Variants in ALPK1 observed in about 807,000 individuals in gnomAD.
ALPK1 encodes the protein alpha-protein kinase 1.
A neutral mutation model predicts 120.6 loss-of-function variants in ALPK1; 110 were observed. That is an observed-to-expected ratio of 0.91 (90% CI 0.78 to 1.07). The LOEUF (loss-of-function observed/expected upper bound fraction) is 1.07. Among genes scored for constraint, ALPK1 ranks in the 50% least tolerant of loss-of-function variants. ALPK1 has a pLI of 0.00. For synonymous variants in ALPK1, 582 were observed against 560.3 expected (o/e 1.04, Z -0.55); for missense variants, 1,498 against 1,483.9 (o/e 1.01, Z -0.16).
chr4:112,423,050 G>A (rs1734069317), intron 5 of ALPK1, among the ~76,000 whole-genome samples: 1 of 152,202 alleles, frequency 6.6e-6, no homozygotes, highest in Non-Finnish European at 1.5e-5. Flanking sequence ...TTGCAAACGA[G>A]CGTGAAGAAT....
chr4:112,369,774 C>T (rs1347198915), intron 2 of ALPK1, among the ~76,000 whole-genome samples: 1 of 152,264 alleles, frequency 6.6e-6, no homozygotes, highest in Non-Finnish European at 1.5e-5. Flanking sequence ...TGAATCTAAC[C>T]AAGGGTTAAT....
At chr4:112,417,942 G>T (rs1198259320) in intron 5 of ALPK1, among the ~76,000 whole-genome samples, 1 of 152,160 alleles carries the variant, frequency 6.6e-6, no homozygotes, top group Non-Finnish European at 1.5e-5. Context: ...ATGTAATCAG[G>T]TGACAGAAAC....
At chr4:112,392,668 A>G (rs1732470702) in intron 4 of ALPK1, among the ~76,000 whole-genome samples, 1 of 152,222 alleles carries the variant, frequency 6.6e-6, no homozygotes, top group Admixed American at 6.5e-5. Flanking sequence ...CTGGGACTAC[A>G]GGTGCATGTC....
In ALPK1 at chr4:112,379,416, T is replaced by C. The variant is rs181072150; in HGVS notation, c.121+1518T>C. On this transcript the variant is annotated intron_variant, in intron 3 of 15. Transcript: ENST00000650871. ...ACTGCCCGGCGTTGGTTGAATCCAA[T>C]AAACCGACGGGGAAGGACGCCTCCT... Among the ~76,000 whole-genome samples the C allele has an allele frequency of 1.9e-3, 292 of 152,270 alleles. 2 individuals carry two copies. Among genetic ancestry groups the C allele is most frequent in the African/African-American group, 6.8e-3 (281 of 41,546 alleles).
At position 112,431,812 on chromosome 4, in the gene ALPK1, C is replaced by T. The variant is rs375743965; in HGVS notation, c.2265C>T (p.Cys755=). ...TTGTTGAGTTTCCAGAAACCAACTG[C>T]GATGTCAAAGACAGGCAGGGGAAAG... ...EIIVEFPETN[C]DVKDRQGKEQ... Residue 755 remains cysteine, a synonymous_variant, in exon 11 of 16, where the codon TGC becomes TGT. Transcript: ENST00000650871. 46 of 1,613,888 alleles carry T rather than the reference C, an allele frequency of 2.9e-5. No individual in the cohort carries two copies. The highest frequency in any genetic ancestry group is 5.5e-5 in the South Asian group (5 of 91,084).
At chr4:112,326,343 T>G (rs943440430) in intron 2 of ALPK1, among the ~76,000 whole-genome samples, 18 of 152,208 alleles carry the variant, frequency 1.2e-4, no homozygotes, top group African/African-American at 4.3e-4. Context: ...GTTAAATGCT[T>G]GAGTCGAGGG....
chr4:112,301,166 C>G (rs1258324062), intron 1 of ALPK1, among the ~76,000 whole-genome samples: 2 of 152,180 alleles, frequency 1.3e-5, no homozygotes, highest in African/African-American at 4.8e-5. Context: ...ATAACTATAT[C>G]ATTACCGAGA....
intron 4 of ALPK1, among the ~76,000 whole-genome samples, chr4:112,397,365 CTT>C (rs1732696674): frequency 6.6e-6 from 1 of 152,184 alleles, no homozygotes; most frequent in Non-Finnish European, 1.5e-5. Context: ...AAATATATTT[CTT>C]TCATGGCTGT....
At chr4:112,359,521 C>T (rs1456851826) in intron 2 of ALPK1, 3 of 254,868 alleles carry the variant, frequency 1.2e-5, no homozygotes, top group African/African-American at 2.3e-5. Context: ...GGCATGGAGC[C>T]GCCAGGACCC....
intron 4 of ALPK1, among the ~76,000 whole-genome samples, chr4:112,390,930 A>G (rs1732385765): frequency 6.6e-6 from 1 of 152,228 alleles, no homozygotes; most frequent in Admixed American, 6.5e-5. Flanking sequence ...AAGAATGATT[A>G]TGTGAGGTCC....
At chr4:112,435,585 G>A (rs750659126) in intron 12 of ALPK1, among the ~76,000 whole-genome samples, 23 of 152,140 alleles carry the variant, frequency 1.5e-4, no homozygotes, top group Non-Finnish European at 2.8e-4. Context: ...AAAGTTCCTG[G>A]CCACATGACA....
At chr4:112,426,880 T>C (rs1734259151) in intron 8 of ALPK1, among the ~76,000 whole-genome samples, 1 of 152,244 alleles carries the variant, frequency 6.6e-6, no homozygotes, top group South Asian at 2.1e-4. Flanking sequence ...AAGTTGCTTA[T>C]ATGTAAAATC....
Position 112,426,474 on chromosome 4 carries a change from G to A in ALPK1, c.630G>A (p.Trp210Ter), listed in dbSNP as rs748912547. The A allele has an allele frequency of 5.0e-6, 8 of 1,607,116 alleles. No homozygotes were observed. In the Admixed American group the frequency reaches 1.2e-4, roughly 24 times the overall value. ...CCCTCTTTTTTTTTTCAGGGATGTG[G>A]TACGAAGCAGCAGAGTTAATATGGG... is the stretch of plus-strand genomic sequence containing the variant. ...RGQILQKLGM[W>*]YEAAELIWAS... Residue 210 changes from tryptophan to a stop codon, truncating the protein, a stop_gained, in exon 8 of 16, where the codon TGG becomes TGA. Coordinates refer to ENST00000650871, the MANE Select transcript of ALPK1 (RefSeq NM_025144.4). LOFTEE classifies it high-confidence loss of function.
At chr4:112,371,653 T>C (rs1489178953) in intron 2 of ALPK1, among the ~76,000 whole-genome samples, 1 of 152,182 alleles carries the variant, frequency 6.6e-6, no homozygotes, top group African/African-American at 2.4e-5. Flanking sequence ...ATGCCCTATC[T>C]CTCTTTCACA....
chr4:112,422,602 T>C (rs1424925661), intron 5 of ALPK1, among the ~76,000 whole-genome samples: 3 of 152,260 alleles, frequency 2.0e-5, no homozygotes, highest in African/African-American at 7.2e-5. Context: ...TTTAAGTGCA[T>C]GATTTTTCCA....
chr4:112,433,344 T>C (rs1023867422), intron 11 of ALPK1, among the ~76,000 whole-genome samples: 1 of 152,190 alleles, frequency 6.6e-6, no homozygotes, highest in African/African-American at 2.4e-5. Context: ...GGGGAAGGGT[T>C]TCTCTGGGAT....
chr4:112,412,357 C>T (rs1246539322), intron 5 of ALPK1: 1 of 505,984 alleles, frequency 2.0e-6, no homozygotes, highest in African/African-American at 1.9e-5. Flanking sequence ...GACCAAGAGT[C>T]TTTAAAAAGC....
chr4:112,311,438 A>T (rs1388348812), intron 1 of ALPK1, among the ~76,000 whole-genome samples: 1 of 152,192 alleles, frequency 6.6e-6, no homozygotes, highest in Non-Finnish European at 1.5e-5. Flanking sequence ...AATAAATGGT[A>T]ATGATTACTA....
chr4:112,318,722 T>C (rs1280869668), intron 2 of ALPK1, among the ~76,000 whole-genome samples: 2 of 152,230 alleles, frequency 1.3e-5, no homozygotes, highest in African/African-American at 2.4e-5. Context: ...AGTGTGCTAG[T>C]CACAGCATGA....
Sources: allele counts gnomAD v4.1 joint callset (sites outside exome capture counted in the v4.1 genomes callset), GRCh38; gene constraint gnomAD v4.1.1; transcripts MANE v1.5; gene names NCBI Gene and HGNC (gene_info 2026-07-23, HGNC 2026-07-21).